Variants in KBTBD12 observed in about 807,000 individuals in gnomAD.
The protein encoded by KBTBD12 is kelch repeat and BTB domain containing 12.
In KBTBD12, 53 loss-of-function variants were observed where a neutral mutation model predicts 58.7. The ratio of observed to expected loss-of-function variants is 0.90; its 90% CI spans 0.72 to 1.14. KBTBD12 has a LOEUF of 1.14. Ranked by LOEUF, KBTBD12 falls within the 50% of genes most tolerant of loss-of-function variation. KBTBD12 has a pLI of 0.00. For synonymous variants in KBTBD12, 236 were observed against 259.8 expected (o/e 0.91, Z 0.88); for missense variants, 704 against 751.3 (o/e 0.94, Z 0.74).
chr3:127,917,154 A>G (rs918112631), intron 1 of KBTBD12, among the ~76,000 whole-genome samples: 1 of 152,178 alleles, frequency 6.6e-6, no homozygotes, highest in Non-Finnish European at 1.5e-5. Context: ...ACAGCGTCAG[A>G]TCCCACAGGC....
intron 3 of KBTBD12, 45 bp from the exon 4 acceptor site, chr3:127,930,088 T>C (rs1350397265): frequency 6.6e-7 from 1 of 1,519,372 alleles, no homozygotes; most frequent in East Asian, 2.4e-5. Context: ...CTCACAAAGA[T>C]TGCTAAATGA....
rs1373580285 is a variant in KBTBD12, at chr3:127,923,968, C to T, written c.907C>T (p.Pro303Ser). 3.1e-6 allele frequency: 5 copies of T among 1,613,730 alleles called. No homozygotes were observed. The highest frequency in any genetic ancestry group is 2.2e-5 in the East Asian group (1 of 44,888). Residue 303 changes from proline to serine, a missense_variant, in exon 2 of 6, where the codon CCT becomes TCT. Physicochemically the swap from Pro to Ser is moderately conservative, Grantham distance 74 (BLOSUM62 -1). Transcript: ENST00000405109. ...TGGGGATGCCAGTTTTTGTTATGATCCTGTATCACGGAAAACCTATTTCAT... is the reference window on the plus strand; with the variant it reads ...TGGGGATGCCAGTTTTTGTTATGATTCTGTATCACGGAAAACCTATTTCAT... ...SYGDASFCYDPVSRKTYFISS... is the reference protein window; with the variant it reads ...SYGDASFCYDSVSRKTYFISS...
chr3:127,927,747 C>G lies in KBTBD12; in HGVS notation c.1071-17C>G. The stretch of plus-strand genomic sequence containing the variant: ...CATGTTACCTCTAATCCTGGATACT[C>G]TCTCTCTCTTTTGCAGGTATCATGA... On this transcript the variant is annotated splice_polypyrimidine_tract_variant and intron_variant, in intron 2 of 5. Transcript: ENST00000405109. 1 of 1,465,276 alleles carries G rather than the reference C, an allele frequency of 6.8e-7. No individual in the cohort carries two copies. Among genetic ancestry groups the G allele is most frequent in the Admixed American group, 2.3e-5 (1 of 43,462 alleles). 90.8% of individuals were successfully genotyped at this position (1,465,276 alleles called of 1,614,324 possible). A position where few individuals can be genotyped will look rare whatever the true frequency, so the allele number is the denominator to read the frequency against.
chr3:127,968,302 A>G (rs751511591), intron 5 of KBTBD12, among the ~76,000 whole-genome samples: 10 of 152,328 alleles, frequency 6.6e-5, no homozygotes, highest in Non-Finnish European at 1.0e-4. Flanking sequence ...TCCACCTCCA[A>G]TACAGAATGA....
At chr3:127,964,931 C>G (rs920198232) in intron 5 of KBTBD12, among the ~76,000 whole-genome samples, 4 of 152,194 alleles carry the variant, frequency 2.6e-5, no homozygotes, top group Non-Finnish European at 5.9e-5. Flanking sequence ...CCTGGCCCAA[C>G]AAGGAATCCT....
chr3:127,948,851 A>G (rs1254132440), intron 4 of KBTBD12, among the ~76,000 whole-genome samples: 1 of 152,230 alleles, frequency 6.6e-6, no homozygotes, highest in Non-Finnish European at 1.5e-5. Flanking sequence ...TCACAAAACA[A>G]GCAAAGACAG....
chr3:127,978,181 G>T (rs1234503257), intron 5 of KBTBD12, among the ~76,000 whole-genome samples: 3 of 151,990 alleles, frequency 2.0e-5, no homozygotes, highest in Non-Finnish European at 4.4e-5. Context: ...GTTCCATTAC[G>T]ACCTCTGTTC....
intron 4 of KBTBD12, among the ~76,000 whole-genome samples, chr3:127,934,066 G>A (rs1939770302): frequency 6.6e-6 from 1 of 152,098 alleles, no homozygotes; most frequent in African/African-American, 2.4e-5. Context: ...CCCATTTGGG[G>A]GTGGGGGTGG....
intron 5 of KBTBD12, among the ~76,000 whole-genome samples, chr3:127,982,033 T>C (rs1940882522): frequency 6.6e-6 from 1 of 152,126 alleles, no homozygotes; most frequent in African/African-American, 2.4e-5. Flanking sequence ...CTTCCATTTG[T>C]CCCTCCACAC....
chr3:127,956,217 A>G (rs1174329267), intron 4 of KBTBD12, among the ~76,000 whole-genome samples: 1 of 152,146 alleles, frequency 6.6e-6, no homozygotes, highest in Non-Finnish European at 1.5e-5. Context: ...ACCCTCAACA[A>G]ATAACTCAGA....
rs1939837738 is a variant in KBTBD12 at position 127,936,697 on chromosome 3, CAAAATTACTCAAGGTGGG to C, written c.1492+6418_1492+6435del. ...TTAGTTTCCCAGGCTTGCAGCTTAC[CAAAATTACTCAAGGTGGG>C]AAATCTAATTAGAGTTACTATGGAC... is the stretch of plus-strand genomic sequence containing the variant. On this transcript the variant is annotated intron_variant, in intron 4 of 5. Coordinates refer to ENST00000405109, the MANE Select transcript of KBTBD12 (RefSeq NM_207335.4). Among the ~76,000 whole-genome samples the C allele has an allele frequency of 2.6e-5, 4 of 152,038 alleles. No homozygotes were observed. In the South Asian group the frequency reaches 8.3e-4, roughly 32 times the overall value.
At chr3:127,979,600 C>T (rs974845263) in intron 5 of KBTBD12, among the ~76,000 whole-genome samples, 1 of 152,232 alleles carries the variant, frequency 6.6e-6, no homozygotes, top group Non-Finnish European at 1.5e-5. Context: ...TCCTCAGTCT[C>T]ACTAGCCACA....
chr3:127,932,454 A>G (rs566146261), intron 4 of KBTBD12, among the ~76,000 whole-genome samples: 8 of 152,264 alleles, frequency 5.3e-5, no homozygotes, highest in Admixed American at 3.9e-4. Context: ...TTAGGAATCT[A>G]TATGTACCTC....
chr3:127,968,481 C>A (rs1045200444), intron 5 of KBTBD12, among the ~76,000 whole-genome samples: 2 of 152,166 alleles, frequency 1.3e-5, no homozygotes, highest in Admixed American at 6.5e-5. Flanking sequence ...GGTTAGTAGC[C>A]TTTATGAATA....
intron 4 of KBTBD12, among the ~76,000 whole-genome samples, chr3:127,943,818 G>C (rs1304953035): frequency 6.6e-6 from 1 of 152,026 alleles, no homozygotes; most frequent in Non-Finnish European, 1.5e-5. Flanking sequence ...TACCATTTCA[G>C]GTCTTATGTT....
At chr3:127,963,472 T>C in intron 5 of KBTBD12, 86 bp downstream of exon 5, 2 of 1,257,648 alleles carry the variant, frequency 1.6e-6, no homozygotes, top group Non-Finnish European at 2.2e-6. Flanking sequence ...CTAATATTCC[T>C]GAGAGCAACG....
chr3:127,953,994 T>TG (rs1057461162), intron 4 of KBTBD12, among the ~76,000 whole-genome samples: 1 of 152,024 alleles, frequency 6.6e-6, no homozygotes, highest in Admixed American at 6.5e-5. Flanking sequence ...TTGACTTTTT[T>TG]TTCCTGAGGC....
At position 127,964,177 on chromosome 3, in the gene KBTBD12, A is replaced by G. The variant is rs74814546; in HGVS notation, c.1690+791A>G. 9.5e-4 allele frequency among the ~76,000 whole-genome samples: 144 copies of G among 152,276 alleles called. 1 individual carries two copies. The East Asian group carries it at 0.025, about 27-fold the overall frequency. ...ATTAAAAATGACTAACTTGAATTATATTCTCACTAACAAGCACAAGGCCAG... is the reference window on the plus strand; with the variant it reads ...ATTAAAAATGACTAACTTGAATTATGTTCTCACTAACAAGCACAAGGCCAG... On this transcript the variant is annotated intron_variant, in intron 5 of 5. Transcript: ENST00000405109.
chr3:127,940,964 C>A (rs1352651627), intron 4 of KBTBD12, among the ~76,000 whole-genome samples: 1 of 152,090 alleles, frequency 6.6e-6, no homozygotes, highest in Non-Finnish European at 1.5e-5. Context: ...ATGAAATGGA[C>A]CAATTCTTTG....
Sources: allele counts gnomAD v4.1 joint callset (sites outside exome capture counted in the v4.1 genomes callset), GRCh38; gene constraint gnomAD v4.1.1; transcripts MANE v1.5; gene names NCBI Gene and HGNC (gene_info 2026-07-23, HGNC 2026-07-21).